The following TUBGCP3 variants were observed in gnomAD, a reference collection of about 807,000 sequenced individuals.
The protein encoded by TUBGCP3 is gamma-tubulin complex component 3.
A neutral mutation model predicts 123.1 loss-of-function variants in TUBGCP3; 50 were observed. The observed-to-expected ratio is 0.41, with a 90% CI of 0.32 to 0.51. The LOEUF is 0.51. Ranked by LOEUF, TUBGCP3 falls within the 20% of genes least tolerant of loss-of-function variation. The probability of loss-of-function intolerance (pLI) is 0.36; values close to 1 mark genes in which losing one functional copy is unlikely to be tolerated. For synonymous variants in TUBGCP3, 405 were observed against 413.9 expected (o/e 0.98, Z 0.26); for missense variants, 882 against 1,127.0 (o/e 0.78, Z 3.11).
chr13:112,556,471 T>C (rs917483964), intron 5 of TUBGCP3, among the ~76,000 whole-genome samples: 1 of 152,194 alleles, frequency 6.6e-6, no homozygotes, highest in African/African-American at 2.4e-5. Flanking sequence ...GGAAAAATCA[T>C]CTTACTGCTA....
Position 112,489,683 on chromosome 13 carries a change from C to A in TUBGCP3, c.2463G>T (p.Val821=). Residue 821 remains valine, a synonymous_variant, in exon 21 of 22, where the codon GTG becomes GTT. Coordinates refer to ENST00000261965, the MANE Select transcript of TUBGCP3 (RefSeq NM_006322.6). ...KQREIEGQWG[V]TAAEEEEENK... ...TTTCCTCCTCTTCCTCTGCTGCCGTCACTCCCCACTGGCCCTGAACAATCA... is the reference window on the plus strand; with the variant it reads ...TTTCCTCCTCTTCCTCTGCTGCCGTAACTCCCCACTGGCCCTGAACAATCA... 1.2e-6 allele frequency: 2 copies of A among 1,613,932 alleles called. No individual in the cohort carries two copies. The highest frequency in any genetic ancestry group is 2.2e-5 in the South Asian group (2 of 91,082).
chr13:112,490,843 C>CCGT (rs1444622591), intron 20 of TUBGCP3, among the ~76,000 whole-genome samples: 4 of 152,196 alleles, frequency 2.6e-5, no homozygotes, highest in Admixed American at 6.5e-5. Flanking sequence ...GCACAGCTGA[C>CCGT]CTGACGCTTT....
chr13:112,577,383 T>C (rs1015872170), intron 1 of TUBGCP3, among the ~76,000 whole-genome samples: 2 of 152,160 alleles, frequency 1.3e-5, no homozygotes, highest in Admixed American at 6.5e-5. Flanking sequence ...CCCAAAAATA[T>C]GTAGCCCCAG....
chr13:112,530,844 T>C (rs1877514870), intron 11 of TUBGCP3, among the ~76,000 whole-genome samples: 2 of 152,198 alleles, frequency 1.3e-5, no homozygotes, highest in South Asian at 2.1e-4. Flanking sequence ...ATTAACAGAA[T>C]GTGTCTGGTC....
intron 2 of TUBGCP3, 76 bp downstream of exon 2, chr13:112,569,076 C>A: frequency 7.3e-7 from 1 of 1,364,054 alleles, no homozygotes; most frequent in Non-Finnish European, 1.0e-6. Flanking sequence ...CACACCTACA[C>A]ACATGCATAC....
At chr13:112,577,296 G>A (rs1365804766) in intron 1 of TUBGCP3, among the ~76,000 whole-genome samples, 1 of 152,150 alleles carries the variant, frequency 6.6e-6, no homozygotes, top group African/African-American at 2.4e-5. Flanking sequence ...TCACTTTCAA[G>A]AATGATGAAT....
chr13:112,598,725 G>A, the TUBGCP3 span, among the ~76,000 whole-genome samples: 20 of 152,048 alleles, frequency 1.3e-4, no homozygotes, highest in African/African-American at 4.1e-4. Context: ...TGGGCGGATC[G>A]TGAGGTCAGG....
chr13:112,526,953 G>A lies in TUBGCP3; in HGVS notation c.1544C>T (p.Ser515Leu), dbSNP rs755117508. ...KMIAVTKSAE[S>L]PQDAADLFTD... Reference sequence around the variant, plus strand: ...CAGCATCATCATACCGTCCTGGGGTGACTCTGCAGACTTGGTCACAGCTAT... The same window carrying A: ...CAGCATCATCATACCGTCCTGGGGTAACTCTGCAGACTTGGTCACAGCTAT... Residue 515 changes from serine to leucine, a missense_variant, in exon 13 of 22, where the codon TCA becomes TTA. By Grantham distance (145) the Ser-to-Leu change is moderately radical. Transcript: ENST00000261965. 1.2e-6 allele frequency: 2 copies of A among 1,613,300 alleles called. No homozygotes were observed. The highest frequency in any genetic ancestry group is 1.7e-6 in the Non-Finnish European group (2 of 1,179,372).
chr13:112,563,602 G>A (rs535577134), intron 3 of TUBGCP3, among the ~76,000 whole-genome samples: 6 of 151,334 alleles, frequency 4.0e-5, no homozygotes, highest in African/African-American at 4.9e-5. Flanking sequence ...GGTGGCTCAC[G>A]CCTGTAATCC....
At chr13:112,588,550 C>T (rs536391546), upstream of TUBGCP3, among the ~76,000 whole-genome samples, 2 of 152,304 alleles carry the variant, frequency 1.3e-5, no homozygotes, top group Non-Finnish European at 2.9e-5. Context: ...TCACCTGCTA[C>T]GCTATCCAAC....
rs185440713 is a variant in TUBGCP3, at chr13:112,571,599, A to G, written c.77-2340T>C. On this transcript the variant is annotated intron_variant, in intron 1 of 21. Coordinates refer to ENST00000261965, the MANE Select transcript of TUBGCP3 (RefSeq NM_006322.6). ...TCACCTGCTGCATTAGCCCCAGACA[A>G]GAGTCGGCTTATTCTTTGTAGCTCT... Among the ~76,000 whole-genome samples, 19 of 152,356 alleles carry G rather than the reference A, an allele frequency of 1.2e-4. No homozygotes were observed. The South Asian group carries it at 2.5e-3, about 20-fold the overall frequency.
intron 10 of TUBGCP3, chr13:112,546,554 A>G (rs1879007186): frequency 6.6e-6 from 1 of 152,452 alleles, no homozygotes; most frequent in South Asian, 2.1e-4. Context: ...ATCTGATTTT[A>G]AGAAGATGGC....
At chr13:112,517,238 G>A (rs557032987) in intron 16 of TUBGCP3, among the ~76,000 whole-genome samples, 10 of 152,126 alleles carry the variant, frequency 6.6e-5, no homozygotes, top group Admixed American at 2.6e-4. Context: ...GGCTGGTCTC[G>A]AACTCCTGGC....
At chr13:112,579,511 C>T (rs1882123310) in intron 1 of TUBGCP3, among the ~76,000 whole-genome samples, 1 of 135,362 alleles carries the variant, frequency 7.4e-6, no homozygotes, top group Non-Finnish European at 1.6e-5. Flanking sequence ...TGCTGAGTGT[C>T]AGGGGGCCAC....
At chr13:112,515,460 C>A (rs531221070) in intron 17 of TUBGCP3, among the ~76,000 whole-genome samples, 1 of 152,136 alleles carries the variant, frequency 6.6e-6, no homozygotes, top group Non-Finnish European at 1.5e-5. Context: ...CAAGGGAATC[C>A]GCAACAGTGG....
intron 13 of TUBGCP3, among the ~76,000 whole-genome samples, chr13:112,526,460 C>T (rs1240535185): frequency 7.1e-6 from 1 of 141,170 alleles, no homozygotes; most frequent in Non-Finnish European, 1.6e-5. Flanking sequence ...CCACCCATCC[C>T]CATCATTATC....
intron 1 of TUBGCP3, among the ~76,000 whole-genome samples, chr13:112,578,336 G>A (rs568245001): frequency 6.6e-6 from 1 of 151,606 alleles, no homozygotes; most frequent in Admixed American, 6.6e-5. Context: ...GAGGCGGGCG[G>A]ATCACGAGGT....
At chr13:112,558,174 A>G (rs2139226864) in intron 5 of TUBGCP3, 22 bp downstream of exon 5, 1 of 1,600,560 alleles carries the variant, frequency 6.2e-7, no homozygotes, top group Non-Finnish European at 8.5e-7. Context: ...TAGAGAATCT[A>G]TACACGTCAG....
chr13:112,550,186 T>C (rs1879442193), intron 8 of TUBGCP3, among the ~76,000 whole-genome samples: 2 of 152,134 alleles, frequency 1.3e-5, no homozygotes, highest in Admixed American at 1.3e-4. Context: ...AGAAGCAGCC[T>C]GCAAGGGATA....
Sources: allele counts gnomAD v4.1 joint callset (sites outside exome capture counted in the v4.1 genomes callset), GRCh38; gene constraint gnomAD v4.1.1; transcripts MANE v1.5; gene names NCBI Gene and HGNC (gene_info 2026-07-23, HGNC 2026-07-21).